Variants in QPRT observed in about 807,000 individuals in gnomAD.
The protein encoded by QPRT is nicotinate-nucleotide pyrophosphorylase [carboxylating].
Under a neutral mutation model 19.8 loss-of-function variants are expected in QPRT, and 17 were observed. The ratio of observed to expected loss-of-function variants is 0.86; its 90% CI spans 0.59 to 1.29. The LOEUF is 1.29. QPRT is among the 50% of genes most tolerant of loss of function. The pLI is 0.00. For synonymous variants in QPRT, 178 were observed against 191.0 expected (o/e 0.93, Z 0.56); for missense variants, 336 against 405.1 (o/e 0.83, Z 1.46).
intron 1 of QPRT, among the ~76,000 whole-genome samples, chr16:29,690,388 G>T (rs1967291726): frequency 6.6e-6 from 1 of 152,158 alleles, no homozygotes; most frequent in Admixed American, 6.6e-5. Context: ...TAATGGGATT[G>T]CTGGGTGGAA....
chr16:29,679,331 C>G, intron 1 of QPRT, 121 bp downstream of exon 1: 1 of 682,034 alleles, frequency 1.5e-6, no homozygotes, highest in East Asian at 2.9e-5. Context: ...CCTCTGGTCC[C>G]GCCATCGACT....
chr16:29,679,212 T>TA lies in QPRT; in HGVS notation c.13+5dup, dbSNP rs1966918347. 1 of 1,608,734 alleles carries TA rather than the reference T, an allele frequency of 6.2e-7. No individual in the cohort carries two copies. Among genetic ancestry groups the TA allele is most frequent in the Non-Finnish European group, 8.5e-7 (1 of 1,175,574 alleles). Reference sequence around the variant, plus strand: ...TGCAAGTCACCATGGACGCTGAAGGTAAAGGGACACTCTCTCTGCCATGTC... The same window carrying TA: ...TGCAAGTCACCATGGACGCTGAAGGTAAAAGGGACACTCTCTCTGCCATGTC... On this transcript the variant is annotated splice_region_variant and intron_variant, in intron 1 of 3. Transcript: ENST00000395384.
upstream of QPRT, chr16:29,679,039 C>A (rs1457046835): frequency 7.8e-7 from 1 of 1,287,374 alleles, no homozygotes; most frequent in East Asian, 2.4e-5. Context: ...AATCTGCAGG[C>A]CTGGCAGAGG....
intron 1 of QPRT, among the ~76,000 whole-genome samples, chr16:29,685,827 C>A (rs1388811868): frequency 6.6e-6 from 1 of 151,930 alleles, no homozygotes; most frequent in East Asian, 1.9e-4. Flanking sequence ...TAGCGAGACC[C>A]CCCGTCTCTA....
At chr16:29,693,802 C>T (rs866529768) in intron 1 of QPRT, among the ~76,000 whole-genome samples, 2 of 151,918 alleles carry the variant, frequency 1.3e-5, no homozygotes, top group South Asian at 2.1e-4. Context: ...TTTGGCTAGG[C>T]TGGTCTCAAA....
In QPRT at chr16:29,694,652, T is replaced by C. The variant is rs1967458442; in HGVS notation, c.14-12T>C. ...GCAGCCAAACTCAACAGCTGTTCTC[T>C]CTTCCCCCCAGGCCTGGCGCTGCTG... On this transcript the variant is annotated splice_polypyrimidine_tract_variant and intron_variant, in intron 1 of 3. Transcript: ENST00000395384. The C allele has an allele frequency of 6.6e-7, 1 of 1,515,624 alleles. No individual in the cohort carries two copies. Among genetic ancestry groups the C allele is most frequent in the Non-Finnish European group, 8.8e-7 (1 of 1,132,764 alleles). 93.9% of individuals were successfully genotyped at this position (1,515,624 alleles called of 1,614,324 possible).
At chr16:29,692,331 A>T (rs961270461) in intron 1 of QPRT, among the ~76,000 whole-genome samples, 16 of 152,080 alleles carry the variant, frequency 1.1e-4, no homozygotes, top group Non-Finnish European at 2.2e-4. Context: ...CTGTAATCCC[A>T]GCACTTTGGG....
rs767745950 is a variant in QPRT at position 29,694,655 on chromosome 16, T to TC, written c.14-3dup. 6.6e-7 allele frequency: 1 copy of TC among 1,524,894 alleles called. No homozygotes were observed. The highest frequency in any genetic ancestry group is 8.8e-7 in the Non-Finnish European group (1 of 1,138,006). The allele number at this position is 1,524,894 out of a possible 1,614,324, so 94.5% of individuals were successfully genotyped here. A position where few individuals can be genotyped will look rare whatever the true frequency, so the allele number is the denominator to read the frequency against. ...GCCAAACTCAACAGCTGTTCTCTCT[T>TC]CCCCCCAGGCCTGGCGCTGCTGCTG... is the stretch of plus-strand genomic sequence containing the variant. On this transcript the variant is annotated splice_polypyrimidine_tract_variant and intron_variant, in intron 1 of 3. Transcript: ENST00000395384.
At chr16:29,692,476 G>A (rs1420506249) in intron 1 of QPRT, among the ~76,000 whole-genome samples, 3 of 151,846 alleles carry the variant, frequency 2.0e-5, no homozygotes, top group Non-Finnish European at 4.4e-5. Flanking sequence ...AGCTACTCGG[G>A]AGGCTGGGGC....
intron 1 of QPRT, 54 bp from the exon 2 acceptor site, chr16:29,694,610 C>T: frequency 6.7e-7 from 1 of 1,491,070 alleles, no homozygotes; most frequent in Non-Finnish European, 9.0e-7. Flanking sequence ...TGACAGTGAC[C>T]CCTGACAGCA....
At chr16:29,691,139 A>C (rs533642677) in intron 1 of QPRT, among the ~76,000 whole-genome samples, 93 of 151,658 alleles carry the variant, frequency 6.1e-4, no homozygotes, top group African/African-American at 1.7e-3. Context: ...CCAAGGCGGG[A>C]GGATCACCTG....
rs756076465 is a variant in QPRT, at chr16:29,694,661, C to T, written c.14-3C>T. 4.6e-6 allele frequency: 7 copies of T among 1,534,776 alleles called. No individual in the cohort carries two copies. In the East Asian group the frequency reaches 9.0e-5, roughly 20 times the overall value. ...CTCAACAGCTGTTCTCTCTTCCCCC[C>T]AGGCCTGGCGCTGCTGCTGCCGCCC... On this transcript the variant is annotated splice_region_variant and splice_polypyrimidine_tract_variant and intron_variant, in intron 1 of 3. Coordinates refer to ENST00000395384, the MANE Select transcript of QPRT (RefSeq NM_014298.6).
At chr16:29,682,394 T>G (rs1967034975) in intron 1 of QPRT, among the ~76,000 whole-genome samples, 1 of 151,972 alleles carries the variant, frequency 6.6e-6, no homozygotes, top group Non-Finnish European at 1.5e-5. Context: ...TTTTTTGAGA[T>G]GGAGTTTCGC....
rs550351466 is a variant in QPRT, at chr16:29,684,541, G to A, written c.13+5331G>A. Among the ~76,000 whole-genome samples, 116 of 152,154 alleles carry A rather than the reference G, an allele frequency of 7.6e-4. 1 individual carries two copies. Among genetic ancestry groups the A allele is most frequent in the African/African-American group, 2.7e-3 (112 of 41,518 alleles). On this transcript the variant is annotated intron_variant, in intron 1 of 3. Transcript: ENST00000395384. ...TTTTTGTATTTTTAGTAGAGACGGGGTTTCACCGTTTTCACCAGGATGGTC... is the reference window on the plus strand; with the variant it reads ...TTTTTGTATTTTTAGTAGAGACGGGATTTCACCGTTTTCACCAGGATGGTC...
At chr16:29,681,046 G>A (rs1966985358) in intron 1 of QPRT, among the ~76,000 whole-genome samples, 1 of 151,874 alleles carries the variant, frequency 6.6e-6, no homozygotes, top group African/African-American at 2.4e-5. Flanking sequence ...GGTGCCTGCT[G>A]GCCCCATACA....
intron 1 of QPRT, among the ~76,000 whole-genome samples, chr16:29,694,277 C>CA (rs2142310414): frequency 6.6e-6 from 1 of 152,182 alleles, no homozygotes; most frequent in East Asian, 1.9e-4. Flanking sequence ...CGCCACCAAG[C>CA]CTGGCTAATT....
At position 29,695,004 on chromosome 16, in the gene QPRT, C is replaced by G. The variant is rs780964711; in HGVS notation, c.354C>G (p.Ala118=). The change falls in exon 2 of 4, where the codon GCC becomes GCG. Residue 118 remains alanine (A), a synonymous_variant. Transcript: ENST00000395384. ...GCTGCAGTGGCATTGCCAGTGCTGC[C>G]GCCGCTGCAGTGGAGGCCGCCAGGG... ...LARCSGIASA[A]AAAVEAARGA... 1.9e-6 allele frequency: 3 copies of G among 1,604,976 alleles called. No homozygotes were observed. The South Asian group carries it at 3.3e-5, about 18-fold the overall frequency.
At position 29,696,982 on chromosome 16, in the gene QPRT, C is replaced by T. The variant is rs372996989; in HGVS notation, c.550-14C>T. ...GGCCCAGTCCTCACCCTTGTCCTCC[C>T]GGCTGCCCAGCAGGCGGTGCGGGCG... On this transcript the variant is annotated splice_polypyrimidine_tract_variant and intron_variant, in intron 2 of 3. Coordinates refer to ENST00000395384, the MANE Select transcript of QPRT (RefSeq NM_014298.6). The T allele has an allele frequency of 1.6e-5, 26 of 1,589,298 alleles. 1 individual carries two copies. The highest frequency in any genetic ancestry group is 8.0e-5 in the African/African-American group (6 of 74,660).
chr16:29,679,374 T>C (rs1399999662), intron 1 of QPRT, among the ~76,000 whole-genome samples, 164 bp downstream of exon 1: 3 of 152,088 alleles, frequency 2.0e-5, no homozygotes, highest in Non-Finnish European at 4.4e-5. Context: ...GCAGCCTTGC[T>C]CAACCCCCAG....
Sources: gnomAD v4.1 joint callset for allele counts (sites outside exome capture counted in the v4.1 genomes callset) on GRCh38, gnomAD v4.1.1 for gene constraint, MANE v1.5 for transcripts, NCBI Gene and HGNC (gene_info 2026-07-23, HGNC 2026-07-21) for gene names.